The following SLC6A12 variants were observed in gnomAD, a reference collection of about 807,000 sequenced individuals.
The protein encoded by SLC6A12 is sodium- and chloride-dependent betaine transporter.
A neutral mutation model predicts 73.3 loss-of-function variants in SLC6A12; 50 were observed. The observed-to-expected ratio is 0.68, with a 90% confidence interval of 0.54 to 0.86. The LOEUF is 0.86. SLC6A12 is among the 40% of genes least tolerant of loss of function. The probability of loss-of-function intolerance (pLI) is 0.00; values close to 1 mark genes in which losing one functional copy is unlikely to be tolerated. For synonymous variants in SLC6A12, 304 were observed against 309.2 expected (o/e 0.98, Z 0.18); for missense variants, 648 against 772.8 (o/e 0.84, Z 1.92).
intron 3 of SLC6A12, among the ~76,000 whole-genome samples, chr12:207,356 T>A (rs1783298881): frequency 6.6e-6 from 1 of 152,258 alleles, no homozygotes; most frequent in Admixed American, 6.5e-5. Flanking sequence ...CTCTGCTGCA[T>A]GCTCTTTCCT....
chr12:187,451 G>GA (rs1555103672), downstream of SLC6A12, among the ~76,000 whole-genome samples: 2 of 151,504 alleles, frequency 1.3e-5, no homozygotes, highest in Admixed American at 6.6e-5. Flanking sequence ...CGCGTCTGGA[G>GA]TTTTTTTTTC....
chr12:209,710 T>G, intron 3 of SLC6A12, 63 bp downstream of exon 3: 4 of 1,573,554 alleles, frequency 2.5e-6, no homozygotes, highest in Non-Finnish European at 3.5e-6. Context: ...AGGGCCCAGG[T>G]AGGCACTGCC....
At chr12:197,582 C>G in intron 9 of SLC6A12, 81 bp from the exon 10 acceptor site, 6 of 1,438,058 alleles carry the variant, frequency 4.2e-6, no homozygotes, top group Non-Finnish European at 5.6e-6. Context: ...GAGGAGAGGT[C>G]AAAAGACAGT....
downstream of SLC6A12, among the ~76,000 whole-genome samples, chr12:188,061 G>A (rs1387681970): frequency 6.6e-6 from 1 of 152,230 alleles, no homozygotes; most frequent in Non-Finnish European, 1.5e-5. Flanking sequence ...TTCACCCAGT[G>A]GATCCCTCAC....
intron 15 of SLC6A12, 85 bp from the exon 16 acceptor site, chr12:191,296 C>T (rs1939586010): frequency 3.4e-6 from 4 of 1,189,516 alleles, no homozygotes; most frequent in Non-Finnish European, 1.1e-6. Context: ...AGGGCCCAGC[C>T]CAGAGCGGAG....
At chr12:210,132 G>A (rs1000481869) in intron 2 of SLC6A12, 89 bp from the exon 3 acceptor site, 36 of 1,414,026 alleles carry the variant, frequency 2.5e-5, no homozygotes, top group African/African-American at 5.7e-5. Flanking sequence ...TCAGCATATT[G>A]TTGTTCTTCC....
the SLC6A12 span, among the ~76,000 whole-genome samples, chr12:184,109 A>G: frequency 2.0e-5 from 3 of 152,234 alleles, no homozygotes; most frequent in Non-Finnish European, 4.4e-5. Context: ...AAAATATGCC[A>G]TAACCAAGTA....
chr12:186,541 G>A (rs1939433287), downstream of SLC6A12, among the ~76,000 whole-genome samples: 1 of 152,224 alleles, frequency 6.6e-6, no homozygotes, highest in African/African-American at 2.4e-5. Flanking sequence ...TGTCAGCCAG[G>A]GCTGCTGCCA....
intron 4 of SLC6A12, 81 bp from the exon 5 acceptor site, chr12:202,961 G>T (rs75380489): frequency 0.013 from 17,295 of 1,313,558 alleles, 287 homozygotes; most frequent in African/African-American, 0.074. Flanking sequence ...GCCAGTTGAG[G>T]TTACAAGGGT....
downstream of SLC6A12, among the ~76,000 whole-genome samples, chr12:186,145 G>A (rs1939425054): frequency 6.6e-6 from 1 of 152,088 alleles, no homozygotes; most frequent in Non-Finnish European, 1.5e-5. Flanking sequence ...GGCACGAGGG[G>A]GCTGAGGGAC....
chr12:198,355 T>C lies in SLC6A12; in HGVS notation c.847-352A>G, dbSNP rs970959819. Among the ~76,000 whole-genome samples the C allele has an allele frequency of 2.0e-5, 3 of 152,198 alleles. No individual in the cohort carries two copies. In the East Asian group the frequency reaches 5.8e-4, roughly 29 times the overall value. ...ATTCAACTAAGATCTCTGTACATAG[T>C]GTCTTAAGCAGCTATGACCTGGGGA... On this transcript the variant is annotated intron_variant, in intron 8 of 15. Coordinates refer to ENST00000684302, the MANE Select transcript of SLC6A12 (RefSeq NM_001122848.3). The surrounding 1 kb of genome is among the most constrained non-coding windows in gnomAD (Gnocchi z 4.0).
chr12:210,546 G>A, intron 2 of SLC6A12: 1 of 255,706 alleles, frequency 3.9e-6, no homozygotes, highest in Non-Finnish European at 6.2e-6. Flanking sequence ...AGAGTAAACA[G>A]GGGAGCCAGC....
At chr12:196,923 G>A (rs746271259) in intron 10 of SLC6A12, 41 bp from the exon 11 acceptor site, 2 of 1,449,890 alleles carry the variant, frequency 1.4e-6, no homozygotes, top group African/African-American at 1.4e-5. Context: ...TCCAGGGCGT[G>A]TGCTGCCCTT....
Position 197,935 on chromosome 12 carries a change from C to T in SLC6A12, c.915G>A (p.Leu305=). ...TGTTGTGATACTTGTTGTAGCTGCC[C>T]AGGGCTGTCAGGCACCCCTGGCAGA... is the stretch of plus-strand genomic sequence containing the variant. ...FAICQGCLTA[L]GSYNKYHNNC... Residue 305 remains leucine (L), a synonymous_variant, in exon 9 of 16, where the codon CTG becomes CTA. Transcript: ENST00000684302. The T allele has an allele frequency of 4.3e-6, 7 of 1,613,608 alleles. No homozygotes were observed. Among genetic ancestry groups the T allele is most frequent in the Non-Finnish European group, 5.9e-6 (7 of 1,179,892 alleles).
chr12:212,919 C>T (rs1312914013), intron 1 of SLC6A12, among the ~76,000 whole-genome samples: 1 of 152,186 alleles, frequency 6.6e-6, no homozygotes. Flanking sequence ...GGATGGGCCT[C>T]ATCATACTTC....
downstream of SLC6A12, among the ~76,000 whole-genome samples, chr12:189,227 C>T (rs1478417950): frequency 6.6e-6 from 1 of 152,072 alleles, no homozygotes; most frequent in African/African-American, 2.4e-5. Context: ...GCTAGGGGCC[C>T]CGGGGGAGGG....
At chr12:200,535 G>T in intron 7 of SLC6A12, 116 bp downstream of exon 7, 1 of 1,175,444 alleles carries the variant, frequency 8.5e-7, no homozygotes, top group Non-Finnish European at 1.2e-6. Flanking sequence ...CCCCTGCCCT[G>T]CTCAGGAAGT....
intron 12 of SLC6A12, 66 bp from the exon 13 acceptor site, chr12:195,393 G>A: frequency 9.5e-7 from 1 of 1,057,164 alleles, no homozygotes. Flanking sequence ...AGCCCTCAGT[G>A]AGATGGCAAA....
At chr12:209,314 T>C (rs1000727714) in intron 3 of SLC6A12, among the ~76,000 whole-genome samples, 1 of 152,150 alleles carries the variant, frequency 6.6e-6, no homozygotes, top group African/African-American at 2.4e-5. Flanking sequence ...CCATTTGACA[T>C]AGACCACGCG....
Sources: allele counts gnomAD v4.1 joint callset (sites outside exome capture counted in the v4.1 genomes callset), GRCh38; gene constraint gnomAD v4.1.1; non-coding constraint Gnocchi (gnomAD v3.1); transcripts MANE v1.5; gene names NCBI Gene and HGNC (gene_info 2026-07-23, HGNC 2026-07-21).